KATNAL2: variants seen among roughly 807,000 people sequenced by gnomAD.
The protein encoded by KATNAL2 is katanin p60 ATPase-containing subunit A-like 2.
KATNAL2 carries 52 observed loss-of-function variants against 76.3 expected under a neutral mutation model. The ratio of observed to expected loss-of-function variants is 0.68; its 90% confidence interval spans 0.55 to 0.86. The LOEUF is 0.86. KATNAL2 is among the 40% of genes least tolerant of loss of function. KATNAL2 has a pLI of 0.00. For missense variants in KATNAL2, 660 were observed against 668.9 expected (o/e 0.99, Z 0.15); for synonymous variants, 243 against 244.2 (o/e 1.00, Z 0.05).
chr18:47,034,024 G>A (rs750709978), intron 3 of KATNAL2: 1 of 1,614,172 alleles, frequency 6.2e-7, no homozygotes, highest in South Asian at 1.1e-5. Context: ...GGATTCGTTT[G>A]CTTTCCTTTG....
intron 1 of KATNAL2, among the ~76,000 whole-genome samples, chr18:46,936,937 A>T (rs1568990389): frequency 6.6e-6 from 1 of 152,226 alleles, no homozygotes; most frequent in Admixed American, 6.5e-5. Context: ...CCTGGGCAAC[A>T]GAGCAAAACT....
chr18:46,941,201 G>A (rs891298137), intron 1 of KATNAL2, among the ~76,000 whole-genome samples: 5 of 151,876 alleles, frequency 3.3e-5, no homozygotes, highest in Non-Finnish European at 7.4e-5. Context: ...GCAAGCACCT[G>A]TAATCCCAGC....
intron 3 of KATNAL2, among the ~76,000 whole-genome samples, chr18:46,960,751 G>C (rs1185078357): frequency 6.6e-6 from 1 of 152,188 alleles, no homozygotes; most frequent in Non-Finnish European, 1.5e-5. Flanking sequence ...GCACAGCCTA[G>C]AATAAAGGCT....
intron 4 of KATNAL2, among the ~76,000 whole-genome samples, chr18:47,051,287 T>C (rs1046696843): frequency 6.6e-6 from 1 of 151,922 alleles, no homozygotes; most frequent in African/African-American, 2.4e-5. Flanking sequence ...AATAAATAGC[T>C]GGGCGTGGTG....
At chr18:47,049,084 A>G (rs987860538) in intron 4 of KATNAL2, among the ~76,000 whole-genome samples, 11 of 152,036 alleles carry the variant, frequency 7.2e-5, no homozygotes, top group African/African-American at 2.4e-4. Context: ...CGGCCTCCCA[A>G]AGTGCTGGGA....
At position 47,101,448 on chromosome 18, in the gene KATNAL2, G is replaced by T; in HGVS notation, c.*443G>T. Reference sequence around the variant, plus strand: ...AGCTGACAGTCCCAGGGTGAAGGAGGACGGAAGCAGGGAAGGCAATGCAGT... The same window carrying T: ...AGCTGACAGTCCCAGGGTGAAGGAGTACGGAAGCAGGGAAGGCAATGCAGT... On this transcript the variant is annotated 3_prime_UTR_variant, in exon 18 of 18. Coordinates refer to ENST00000683218, the MANE Select transcript of KATNAL2 (RefSeq NM_001387690.1). 1 of 167,336 alleles carries T rather than the reference G, an allele frequency of 6.0e-6. No homozygotes were observed. Among genetic ancestry groups the T allele is most frequent in the Admixed American group, 5.7e-5 (1 of 17,596 alleles). 10.4% of individuals were successfully genotyped at this position (167,336 alleles called of 1,614,324 possible).
rs559393641 is a variant in KATNAL2 at position 47,059,617 on chromosome 18, G to A, written c.512G>A (p.Arg171His). Residue 171 changes from arginine (R) to histidine (H), a missense_variant, in exon 8 of 18, where the codon CGT (arginine) becomes CAT (histidine). By Grantham distance (29) the Arg-to-His change is conservative. Coordinates refer to ENST00000683218, the MANE Select transcript of KATNAL2 (RefSeq NM_001387690.1). ...TTCGGCCTACATATATCAAGAATCC[G>A]TAAAGACAGTGGAGAGGAAAATGCC... The part of the protein sequence containing the change: ...ANFGLHISRI[R>H]KDSGEENAHP... The A allele has an allele frequency of 1.1e-5, 17 of 1,613,624 alleles. No individual in the cohort carries two copies. Among genetic ancestry groups the A allele is most frequent in the African/African-American group, 5.3e-5 (4 of 75,046 alleles).
chr18:47,059,069 A>G (rs1376477755), intron 7 of KATNAL2, among the ~76,000 whole-genome samples: 1 of 152,196 alleles, frequency 6.6e-6, no homozygotes, highest in Admixed American at 6.5e-5. Context: ...TAATCACAAT[A>G]TCCGATTGGT....
intron 3 of KATNAL2, among the ~76,000 whole-genome samples, chr18:47,031,934 A>T (rs968774705): frequency 3.3e-5 from 5 of 152,142 alleles, no homozygotes; most frequent in African/African-American, 1.2e-4. Flanking sequence ...TTTGATTACC[A>T]GCCCGTGTGA....
chr18:46,922,985 T>TC, intron 1 of KATNAL2, among the ~76,000 whole-genome samples: 1 of 148,334 alleles, frequency 6.7e-6, no homozygotes, highest in East Asian at 2.0e-4. Flanking sequence ...AACACTTCAG[T>TC]CCATATAGAA....
chr18:47,091,583 TGTCATGAAAA>T (rs1181756974), intron 15 of KATNAL2, among the ~76,000 whole-genome samples: 1 of 152,134 alleles, frequency 6.6e-6, no homozygotes, highest in Non-Finnish European at 1.5e-5. Context: ...TGATTATTGA[TGTCATGAAAA>T]GTGCATTCAT....
At chr18:46,923,217 C>A (rs1265323716) in intron 1 of KATNAL2, among the ~76,000 whole-genome samples, 1 of 121,094 alleles carries the variant, frequency 8.3e-6, no homozygotes, top group African/African-American at 3.0e-5. Context: ...CTCCCCCCTC[C>A]CCCCACCCCA....
intron 3 of KATNAL2, among the ~76,000 whole-genome samples, chr18:47,031,645 T>A (rs989685623): frequency 6.6e-6 from 1 of 152,156 alleles, no homozygotes; most frequent in Non-Finnish European, 1.5e-5. Flanking sequence ...AGAGCTAGAA[T>A]GAGGATTATT....
chr18:47,062,893 T>C (rs2061679213), intron 8 of KATNAL2, 79 bp from the exon 9 acceptor site: 5 of 1,140,882 alleles, frequency 4.4e-6, no homozygotes, highest in Non-Finnish European at 5.2e-6. Flanking sequence ...TAAATGTGTC[T>C]TGGTTTAATG....
At chr18:46,950,202 T>C (rs2146691896) in intron 3 of KATNAL2, among the ~76,000 whole-genome samples, 1 of 152,352 alleles carries the variant, frequency 6.6e-6, no homozygotes, top group South Asian at 2.1e-4. Context: ...TTCTTGGAAC[T>C]TGAAAGCAAG....
chr18:47,044,766 AAAAAAC>A (rs1018882483), intron 3 of KATNAL2, among the ~76,000 whole-genome samples: 2 of 121,758 alleles, frequency 1.6e-5, no homozygotes, highest in African/African-American at 5.7e-5. Flanking sequence ...CTTCTCAAAA[AAAAAAC>A]AAAAACAAAA....
chr18:46,944,650 G>A (rs1440402904), intron 1 of KATNAL2, among the ~76,000 whole-genome samples: 39 of 152,044 alleles, frequency 2.6e-4, no homozygotes, highest in Admixed American at 2.5e-3. Flanking sequence ...CAGGAGAATC[G>A]CTTTAACTAG....
In KATNAL2 at chr18:47,033,282, A is replaced by G. The variant is rs1325895872; in HGVS notation, c.52-13175A>G. The G allele has an allele frequency of 3.7e-6, 6 of 1,613,372 alleles. No homozygotes were observed. The South Asian group carries it at 6.6e-5, about 18-fold the overall frequency. On this transcript the variant is annotated intron_variant, in intron 3 of 17. Coordinates refer to ENST00000683218, the MANE Select transcript of KATNAL2 (RefSeq NM_001387690.1). ...CATTTTCGGGGTCAGCGTCTCCTGCAGACTTCTCTTGCCTCCTTGAAGTAT... is the reference window on the plus strand; with the variant it reads ...CATTTTCGGGGTCAGCGTCTCCTGCGGACTTCTCTTGCCTCCTTGAAGTAT...
At chr18:46,955,140 C>CTCTCTTTCTTTCTTTCTTTCTTTT (rs1555834717) in intron 3 of KATNAL2, among the ~76,000 whole-genome samples, 1 of 85,020 alleles carries the variant, frequency 1.2e-5, no homozygotes, top group African/African-American at 4.5e-5. Flanking sequence ...CTTTCTCTCT[C>CTCTCTTTCTTTCTTTCTTTCTTTT]TCTTTCTTTC....
Sources: gnomAD v4.1 joint callset for allele counts (sites outside exome capture counted in the v4.1 genomes callset) on GRCh38, gnomAD v4.1.1 for gene constraint, MANE v1.5 for transcripts, NCBI Gene and HGNC (gene_info 2026-07-23, HGNC 2026-07-21) for gene names.